The following PCDHA8 variants were observed in gnomAD, a reference collection of about 807,000 sequenced individuals.
PCDHA8 encodes the protein protocadherin alpha-8.
Under a neutral mutation model 61.8 loss-of-function variants are expected in PCDHA8, and 53 were observed. That is an observed-to-expected ratio of 0.86 (90% CI 0.69 to 1.08). PCDHA8 has a LOEUF of 1.08. Ranked by LOEUF, PCDHA8 falls within the 50% of genes least tolerant of loss-of-function variation. PCDHA8 has a pLI of 0.00. For missense variants in PCDHA8, 1,293 were observed against 1,245.0 expected (o/e 1.04, Z -0.58); for synonymous variants, 618 against 556.6 (o/e 1.11, Z -1.55).
chr5:140,941,462 C>T (rs1323217881), intron 1 of PCDHA8, among the ~76,000 whole-genome samples: 1 of 150,980 alleles, frequency 6.6e-6, no homozygotes, highest in Non-Finnish European at 1.5e-5. Context: ...ATTACAGGCG[C>T]CCACCACCAC....
chr5:140,893,667 A>C (rs564806011), intron 1 of PCDHA8, among the ~76,000 whole-genome samples: 4 of 152,316 alleles, frequency 2.6e-5, no homozygotes, highest in African/African-American at 9.6e-5. Flanking sequence ...AAAAAATTTC[A>C]GCACTTTGGA....
intron 1 of PCDHA8, among the ~76,000 whole-genome samples, chr5:140,941,214 C>CCTTTCTTTCTTCCTTTCTTTCTTTCTTT (rs2092876516): frequency 4.1e-5 from 5 of 122,412 alleles, no homozygotes; most frequent in Non-Finnish European, 8.5e-5. Flanking sequence ...TTTCTTTCTT[C>CCTTTCTTTCTTCCTTTCTTTCTTTCTTT]CTTTCTTTCT....
chr5:140,863,737 A>G (rs758176321), intron 1 of PCDHA8: 1 of 251,160 alleles, frequency 4.0e-6, no homozygotes, highest in East Asian at 1.0e-4. Flanking sequence ...GCTCATGCCT[A>G]TTTGTAATCC....
At chr5:140,862,638 C>T (rs782579250) in intron 1 of PCDHA8, 2 of 539,918 alleles carry the variant, frequency 3.7e-6, no homozygotes, top group African/African-American at 1.9e-5. Flanking sequence ...GCCACGACTT[C>T]ACAGTGTCCG....
chr5:140,868,938 T>C, intron 1 of PCDHA8: 1 of 1,227,722 alleles, frequency 8.1e-7, no homozygotes. Context: ...AAGGTTGGTC[T>C]GAACAGTGAG....
chr5:140,875,918 A>T, intron 1 of PCDHA8: 1 of 1,613,782 alleles, frequency 6.2e-7, no homozygotes, highest in Non-Finnish European at 8.5e-7. Flanking sequence ...GCGCCTCTGG[A>T]CTCTCATTTT....
intron 1 of PCDHA8, among the ~76,000 whole-genome samples, chr5:140,952,338 CAAAAA>C (rs55931446): frequency 7.4e-5 from 10 of 135,008 alleles, no homozygotes; most frequent in Admixed American, 1.5e-4. Context: ...AACTCCATCT[CAAAAA>C]AAAAAAAAAA....
chr5:140,930,803 T>C (rs1227085867), intron 1 of PCDHA8, among the ~76,000 whole-genome samples: 2 of 152,222 alleles, frequency 1.3e-5, no homozygotes, highest in Non-Finnish European at 2.9e-5. Context: ...ATCCAGCATA[T>C]AAGATATGCT....
intron 3 of PCDHA8, among the ~76,000 whole-genome samples, chr5:141,006,716 C>T (rs904868679): frequency 2.0e-5 from 3 of 151,786 alleles, no homozygotes; most frequent in Non-Finnish European, 2.9e-5. Flanking sequence ...ATTTAGGAGG[C>T]AGAAATGACA....
intron 1 of PCDHA8, chr5:140,868,295 T>C (rs569295401): frequency 6.6e-6 from 1 of 152,272 alleles, no homozygotes; most frequent in African/African-American, 2.4e-5. Context: ...AGAATATGAA[T>C]ATATTTGTTT....
intron 1 of PCDHA8, among the ~76,000 whole-genome samples, chr5:140,938,842 G>T (rs2092225940): frequency 1.3e-5 from 2 of 151,980 alleles, no homozygotes; most frequent in African/African-American, 4.8e-5. Context: ...TAACAAACCT[G>T]CCCATGTACC....
intron 1 of PCDHA8, chr5:140,849,333 T>G: frequency 2.9e-6 from 4 of 1,383,164 alleles, no homozygotes; most frequent in Non-Finnish European, 4.0e-6. Context: ...TATTATTTAC[T>G]CCTTCTCCAG....
intron 1 of PCDHA8, chr5:140,967,103 C>T: frequency 6.2e-7 from 1 of 1,613,024 alleles, no homozygotes; most frequent in Non-Finnish European, 8.5e-7. Context: ...GCTGTGTGAG[C>T]AGCGGCCTCG....
intron 1 of PCDHA8, chr5:140,928,899 T>C (rs2085633672): frequency 2.5e-6 from 4 of 1,614,088 alleles, no homozygotes; most frequent in South Asian, 1.1e-5. Flanking sequence ...ACTTTGAAGA[T>C]GTCTGGGAAC....
In PCDHA8 at chr5:140,978,014, A is replaced by C. The variant is rs939579655; in HGVS notation, c.2395-935A>C. ...AGTGTCACAAGTTTTTCACAGTGAC[A>C]TTTTTGCTTACTGATACAAGACAGT... On this transcript the variant is annotated intron_variant, in intron 1 of 3. Transcript: ENST00000531613. Among the ~76,000 whole-genome samples, 9 of 152,256 alleles carry C rather than the reference A, an allele frequency of 5.9e-5. 1 individual carries two copies. The highest frequency in any genetic ancestry group is 2.2e-4 in the African/African-American group (9 of 41,540).
chr5:140,931,304 G>C (rs1218460625), intron 1 of PCDHA8, among the ~76,000 whole-genome samples: 1 of 152,056 alleles, frequency 6.6e-6, no homozygotes, highest in African/African-American at 2.4e-5. Context: ...CAAAAAGAGA[G>C]GAGAATACCA....
intron 1 of PCDHA8, among the ~76,000 whole-genome samples, chr5:140,932,637 T>C (rs1554209011): frequency 6.6e-6 from 1 of 151,870 alleles, no homozygotes; most frequent in African/African-American, 2.4e-5. Context: ...TAAAAAACTT[T>C]AGAATGATGA....
intron 1 of PCDHA8, among the ~76,000 whole-genome samples, chr5:140,902,203 C>CTTTTTTTTTT (rs148688132): frequency 8.0e-6 from 1 of 124,460 alleles, no homozygotes; most frequent in Non-Finnish European, 1.7e-5. Flanking sequence ...CTCTCTCTTT[C>CTTTTTTTTTT]TTTTTTTTTT....
At chr5:140,881,235 T>C (rs2058632833) in intron 1 of PCDHA8, 1 of 352,648 alleles carries the variant, frequency 2.8e-6, no homozygotes, top group South Asian at 1.1e-4. Context: ...TTAAAGTCAA[T>C]TTAAATGACG....
Sources: allele counts gnomAD v4.1 joint callset (sites outside exome capture counted in the v4.1 genomes callset), GRCh38; gene constraint gnomAD v4.1.1; transcripts MANE v1.5; gene names NCBI Gene and HGNC (gene_info 2026-07-23, HGNC 2026-07-21).